Variants in FYB1 observed in about 807,000 individuals in gnomAD.
The protein encoded by FYB1 is FYN-binding protein 1.
FYB1 carries 41 observed loss-of-function variants against 94.1 expected under a neutral mutation model. The observed-to-expected ratio is 0.44, with a 90% CI of 0.34 to 0.57. FYB1 has a LOEUF of 0.57. FYB1 is among the 20% of genes least tolerant of loss of function. The pLI, the probability that FYB1 is intolerant of heterozygous loss-of-function variation, is 0.02. For synonymous variants in FYB1, 367 were observed against 353.2 expected (o/e 1.04, Z -0.44); for missense variants, 1,050 against 976.8 (o/e 1.07, Z -1.00).
At chr5:39,245,119 T>A (rs1561304353) in intron 1 of FYB1, among the ~76,000 whole-genome samples, 2 of 151,910 alleles carry the variant, frequency 1.3e-5, no homozygotes, top group African/African-American at 4.8e-5. Flanking sequence ...GAATTAATCA[T>A]GAGTTATGTG....
Position 39,141,142 on chromosome 5 carries a change from C to A in FYB1, c.1293-1G>T. On this transcript the variant is annotated splice_acceptor_variant, in intron 3 of 18. Coordinates refer to ENST00000512982, the MANE Select transcript of FYB1 (RefSeq NM_001465.6). LOFTEE classifies it high-confidence loss of function. ...TTGATTGTCTTCATTGACAGGGCTT[C>A]TGAAAACGAGAAAGAAGAAACAGTG... 1 of 1,587,032 alleles carries A rather than the reference C, an allele frequency of 6.3e-7. No individual in the cohort carries two copies. Among genetic ancestry groups the A allele is most frequent in the East Asian group, 2.3e-5 (1 of 44,426 alleles).
intron 3 of FYB1, among the ~76,000 whole-genome samples, chr5:39,146,992 G>T (rs922471037): frequency 1.3e-5 from 2 of 152,032 alleles, no homozygotes; most frequent in Non-Finnish European, 2.9e-5. Flanking sequence ...ATTGAGAAAA[G>T]CCCCATACAG....
intron 10 of FYB1, 133 bp from the exon 11 acceptor site, chr5:39,127,940 A>G: frequency 1.2e-6 from 1 of 806,256 alleles, no homozygotes; most frequent in East Asian, 3.1e-5. Context: ...CCATTTAAAT[A>G]AAAACACTTT....
In FYB1 at chr5:39,172,167, C is replaced by T. The variant is rs552110437; in HGVS notation, c.1136-18563G>A. 5.6e-4 allele frequency among the ~76,000 whole-genome samples: 85 copies of T among 152,192 alleles called. 3 individuals carry two copies. The South Asian group carries it at 7.5e-3, about 13-fold the overall frequency. On this transcript the variant is annotated intron_variant, in intron 2 of 18. Transcript: ENST00000512982. ...CCCTTTTTAAAAAAATAATTTTGGC[C>T]GGGTGTGGTGGCTCATGCCTGTAAT...
intron 2 of FYB1, among the ~76,000 whole-genome samples, chr5:39,189,923 A>T (rs560482699): frequency 6.6e-6 from 1 of 152,342 alleles, no homozygotes; most frequent in East Asian, 1.9e-4. Flanking sequence ...AAACCCATCC[A>T]AGTTAGAAGA....
chr5:39,218,238 T>A (rs1327280280), intron 1 of FYB1, among the ~76,000 whole-genome samples: 1 of 152,238 alleles, frequency 6.6e-6, no homozygotes, highest in Non-Finnish European at 1.5e-5. Flanking sequence ...AAGTGCACCA[T>A]AACGCCTTTG....
At chr5:39,127,672 T>C (rs1561143648) in intron 11 of FYB1, 69 bp downstream of exon 11, 1 of 1,464,504 alleles carries the variant, frequency 6.8e-7, no homozygotes. Context: ...TTATTTTAAC[T>C]GGAAATCAAA....
intron 4 of FYB1, among the ~76,000 whole-genome samples, chr5:39,140,603 G>T (rs67289660): frequency 0.17 from 25,247 of 152,178 alleles, 2,491 homozygotes; most frequent in Non-Finnish European, 0.22. Context: ...ATAAGTCTCT[G>T]AGAGGTCCGC....
rs1296714619 is a variant in FYB1 at position 39,153,555 on chromosome 5, A to C, written c.1185T>G (p.Pro395=). 1.2e-6 allele frequency: 2 copies of C among 1,613,784 alleles called. No homozygotes were observed. Among genetic ancestry groups the C allele is most frequent in the Non-Finnish European group, 1.7e-6 (2 of 1,179,840 alleles). The stretch of plus-strand genomic sequence containing the variant: ...GTTGGCTGGCCGGATGGGATGGTGG[A>C]GGTGGTGGCAGGGAAGTTGTTGAGT... The part of the protein sequence containing the change: ...TSYSTTSLPP[P]PPSHPASQPP... The change falls in exon 3 of 19, where the codon CCT becomes CCG. Residue 395 remains proline (P), a synonymous_variant. Coordinates refer to ENST00000512982, the MANE Select transcript of FYB1 (RefSeq NM_001465.6).
rs770086801 is a variant in FYB1 at position 39,202,007 on chromosome 5, A to G, written c.954T>C (p.Ser318=). 5 of 1,613,868 alleles carry G rather than the reference A, an allele frequency of 3.1e-6. No homozygotes were observed. In the African/African-American group the frequency reaches 5.3e-5, roughly 17 times the overall value. ...TPPARFPKAP[S]KLTVGGPWGQ... ...CCCATGGCCCCCCCACTGTCAGCTTAGAAGGGGCCTTAGGGAACCTGGCAG... is the reference window on the plus strand; with the variant it reads ...CCCATGGCCCCCCCACTGTCAGCTTGGAAGGGGCCTTAGGGAACCTGGCAG... The change falls in exon 2 of 19, where the codon TCT becomes TCC. Residue 318 remains serine (S), a synonymous_variant. Coordinates refer to ENST00000512982, the MANE Select transcript of FYB1 (RefSeq NM_001465.6).
At chr5:39,127,877 T>C in intron 10 of FYB1, 70 bp from the exon 11 acceptor site, 2 of 1,410,418 alleles carry the variant, frequency 1.4e-6, no homozygotes, top group African/African-American at 1.5e-5. Context: ...ACTCAGATTT[T>C]AATTGTAAAT....
chr5:39,174,503 A>G (rs191418229), intron 2 of FYB1, among the ~76,000 whole-genome samples: 1 of 152,232 alleles, frequency 6.6e-6, no homozygotes, highest in South Asian at 2.1e-4. Flanking sequence ...AACACATGGA[A>G]TAAGAATATC....
intron 3 of FYB1, among the ~76,000 whole-genome samples, chr5:39,148,381 G>GTTTTTTTTTTTTTTT (rs538508812): frequency 5.2e-5 from 2 of 38,172 alleles, no homozygotes; most frequent in Admixed American, 3.5e-4. Flanking sequence ...TTATCAGCAG[G>GTTTTTTTTTTTTTTT]TTTTTTTTTT....
intron 15 of FYB1, 96 bp from the exon 16 acceptor site, chr5:39,119,132 G>T: frequency 1.8e-6 from 1 of 570,044 alleles, no homozygotes; most frequent in Non-Finnish European, 2.8e-6. Flanking sequence ...ATTTGCTAAA[G>T]AGATAATTCA....
intron 11 of FYB1, 29 bp from the exon 12 acceptor site, chr5:39,126,164 T>A: frequency 6.2e-7 from 1 of 1,605,660 alleles, no homozygotes; most frequent in Non-Finnish European, 8.5e-7. Context: ...TTGATCAGAA[T>A]GTAATAATCA....
intron 2 of FYB1, among the ~76,000 whole-genome samples, chr5:39,193,240 A>G (rs186670553): frequency 1.3e-5 from 2 of 152,324 alleles, no homozygotes; most frequent in African/African-American, 4.8e-5. Context: ...TAGTTCTGCC[A>G]TCTTGCTGTC....
At chr5:39,254,664 G>T (rs1319189505) in intron 1 of FYB1, among the ~76,000 whole-genome samples, 1 of 152,122 alleles carries the variant, frequency 6.6e-6, no homozygotes, top group Non-Finnish European at 1.5e-5. Flanking sequence ...TGCAAGCCTT[G>T]TGGAAAACAT....
At chr5:39,227,250 T>C (rs1833397) in intron 1 of FYB1, among the ~76,000 whole-genome samples, 23,091 of 151,980 alleles carry the variant, frequency 0.15, 4,631 homozygotes, top group African/African-American at 0.44. Context: ...CTTGGTTGGA[T>C]TCTGGTTTGC....
At chr5:39,165,649 A>G (rs1412451472) in intron 2 of FYB1, among the ~76,000 whole-genome samples, 2 of 152,250 alleles carry the variant, frequency 1.3e-5, no homozygotes, top group African/African-American at 4.8e-5. Flanking sequence ...GGATTTAACT[A>G]AACTAGAAAG....
Sources: allele counts gnomAD v4.1 joint callset (sites outside exome capture counted in the v4.1 genomes callset), GRCh38; gene constraint gnomAD v4.1.1; transcripts MANE v1.5; gene names NCBI Gene and HGNC (gene_info 2026-07-23, HGNC 2026-07-21).